The following PRKN variants were observed in gnomAD, a reference collection of about 807,000 sequenced individuals.
The protein encoded by PRKN is E3 ubiquitin-protein ligase parkin.
In PRKN, 56 loss-of-function variants were observed where a neutral mutation model predicts 59.5. That is an observed-to-expected ratio of 0.94 (90% confidence interval 0.76 to 1.18). PRKN has a LOEUF of 1.18. Among genes scored for constraint, PRKN ranks in the 50% most tolerant of loss-of-function variants. The pLI, the probability that PRKN is intolerant of heterozygous loss-of-function variation, is 0.00. For missense variants in PRKN, 657 were observed against 596.4 expected, an observed-to-expected ratio of 1.10 and a Z score of -1.06; for synonymous variants, 250 against 222.1, an observed-to-expected ratio of 1.13 and a Z score of -1.12.
In PRKN at chr6:161,918,236, C is replaced by T. The variant is rs369843995; in HGVS notation, c.734+55066G>A. ...CATATTTACCATGGAAACAACAGTA[C>T]CACGCAGAACATCGTCATTGCTTCA... On this transcript the variant is annotated intron_variant, in intron 6 of 11. Coordinates refer to ENST00000366898, the MANE Select transcript of PRKN (RefSeq NM_004562.3). 1.1e-3 allele frequency among the ~76,000 whole-genome samples: 173 copies of T among 152,260 alleles called. 1 individual carries two copies. The highest frequency in any genetic ancestry group is 3.9e-3 in the African/African-American group (164 of 41,552).
At chr6:161,788,787 G>T (rs983296086) in intron 6 of PRKN, among the ~76,000 whole-genome samples, 4 of 152,172 alleles carry the variant, frequency 2.6e-5, no homozygotes, top group African/African-American at 7.2e-5. Flanking sequence ...GGAAAAGAAA[G>T]AAATTTACAA....
chr6:161,348,103 A>G lies in PRKN; in HGVS notation c.*1996T>C, dbSNP rs1031281346. On this transcript the variant is annotated 3_prime_UTR_variant, in exon 12 of 12. Transcript: ENST00000366898. The surrounding 1 kb of genome is among the most constrained non-coding windows in gnomAD (Gnocchi z 4.9). ...CGCAGCATGCAGATTGGGAAGGCGC[A>G]ATAATGCAAACACCATCAGGAAGAA... The G allele has an allele frequency of 1.0e-5, 2 of 190,550 alleles. No homozygotes were observed. The highest frequency in any genetic ancestry group is 2.2e-5 in the Non-Finnish European group (2 of 90,918). 11.8% of individuals were successfully genotyped at this position (190,550 alleles called of 1,614,324 possible).
chr6:162,334,724 G>GT (rs1453995023), intron 2 of PRKN, among the ~76,000 whole-genome samples: 11 of 152,192 alleles, frequency 7.2e-5, no homozygotes, highest in African/African-American at 2.4e-4. Context: ...CAGATATTGA[G>GT]TCTTCTTATG....
At chr6:162,676,720 T>C (rs1779561021) in intron 1 of PRKN, among the ~76,000 whole-genome samples, 1 of 152,176 alleles carries the variant, frequency 6.6e-6, no homozygotes, top group Admixed American at 6.5e-5. Flanking sequence ...GATATGTTTT[T>C]ATTTTTCTCT....
At chr6:162,484,605 G>A (rs1447746720) in intron 1 of PRKN, among the ~76,000 whole-genome samples, 2 of 152,334 alleles carry the variant, frequency 1.3e-5, no homozygotes, top group East Asian at 1.9e-4. Flanking sequence ...AGAGATGTTT[G>A]TTAGCCTTCC....
intron 9 of PRKN, among the ~76,000 whole-genome samples, chr6:161,496,756 T>C (rs1168215644): frequency 6.6e-6 from 1 of 152,168 alleles, no homozygotes; most frequent in Non-Finnish European, 1.5e-5. Context: ...AACTGAAACA[T>C]GGCTGGCATC....
At chr6:162,380,977 T>A (rs1562717314) in intron 2 of PRKN, among the ~76,000 whole-genome samples, 1 of 152,084 alleles carries the variant, frequency 6.6e-6, no homozygotes, top group Admixed American at 6.6e-5. Flanking sequence ...GTGGTCCAGA[T>A]AAGGAAAACC....
rs34838356 is a variant in PRKN at position 162,414,726 on chromosome 6, A to AAAAAAAGT, written c.171+28583_171+28584insACTTTTTT. Among the ~76,000 whole-genome samples, 21 of 91,870 alleles carry AAAAAAAGT rather than the reference A, an allele frequency of 2.3e-4. 3 individuals carry two copies. The highest frequency in any genetic ancestry group is 3.8e-4 in the Non-Finnish European group (18 of 47,948). The allele number at this position is 91,870 out of a possible 152,430, so 60.3% of individuals were successfully genotyped here. A position where few individuals can be genotyped will look rare whatever the true frequency, so the allele number is the denominator to read the frequency against. ...ACTCCGTCTCAAAAAAAAAAAAAAAAAGTGAATCTTTGAAGTTTTAAAATA... is the reference window on the plus strand; with the variant it reads ...ACTCCGTCTCAAAAAAAAAAAAAAAAAAAAAAGTAGTGAATCTTTGAAGTTTTAAAATA... On this transcript the variant is annotated intron_variant, in intron 2 of 11. Coordinates refer to ENST00000366898, the MANE Select transcript of PRKN (RefSeq NM_004562.3).
At position 162,706,291 on chromosome 6, in the gene PRKN, G is replaced by A. The variant is rs902028806; in HGVS notation, c.7+21371C>T. On this transcript the variant is annotated intron_variant, in intron 1 of 11. Coordinates refer to ENST00000366898, the MANE Select transcript of PRKN (RefSeq NM_004562.3). ...TGCTCGTCTTGCTTAGGGCCAACAG[G>A]CGCACTGCATGGAACTCAGCCAGCT... 4.5e-4 allele frequency among the ~76,000 whole-genome samples: 69 copies of A among 152,268 alleles called. 1 individual carries two copies. The highest frequency in any genetic ancestry group is 4.3e-3 in the Admixed American group (65 of 15,286).
At chr6:162,283,712 G>C (rs999710023) in intron 2 of PRKN, among the ~76,000 whole-genome samples, 7 of 152,090 alleles carry the variant, frequency 4.6e-5, no homozygotes. Flanking sequence ...GTAGAGACAG[G>C]GTTTCGCCAT....
At chr6:162,476,385 G>A (rs1792019267) in intron 1 of PRKN, among the ~76,000 whole-genome samples, 1 of 152,030 alleles carries the variant, frequency 6.6e-6, no homozygotes, top group Non-Finnish European at 1.5e-5. Context: ...TCTTTTTGAG[G>A]GTAGGGTTCA....
chr6:162,550,448 T>C (rs2128203389), intron 1 of PRKN, among the ~76,000 whole-genome samples: 1 of 152,184 alleles, frequency 6.6e-6, no homozygotes, highest in Non-Finnish European at 1.5e-5. Flanking sequence ...CTTCTCAGAG[T>C]TGTCCCGTTT....
At chr6:162,579,986 G>A (rs1284981654) in intron 1 of PRKN, among the ~76,000 whole-genome samples, 1 of 152,146 alleles carries the variant, frequency 6.6e-6, no homozygotes, top group Non-Finnish European at 1.5e-5. Flanking sequence ...GACCTATCAT[G>A]AACGTTATCA....
intron 2 of PRKN, among the ~76,000 whole-genome samples, chr6:162,398,759 T>G (rs1290279381): frequency 6.6e-6 from 1 of 152,206 alleles, no homozygotes; most frequent in Admixed American, 6.5e-5. Context: ...AAATCTCCTT[T>G]TCTCTACAGT....
chr6:162,136,917 C>T (rs1301938021), intron 4 of PRKN, among the ~76,000 whole-genome samples: 2 of 151,830 alleles, frequency 1.3e-5, no homozygotes, highest in South Asian at 2.1e-4. Context: ...TATTTATCCA[C>T]ATTTATTAAA....
At chr6:162,427,702 G>A (rs947164354) in intron 2 of PRKN, among the ~76,000 whole-genome samples, 1 of 149,620 alleles carries the variant, frequency 6.7e-6, no homozygotes, top group African/African-American at 2.5e-5. Flanking sequence ...CTGGACTGCA[G>A]TGGCGCAATC....
chr6:161,517,704 C>T (rs1336376351), intron 9 of PRKN, among the ~76,000 whole-genome samples: 47 of 135,566 alleles, frequency 3.5e-4, no homozygotes, highest in Non-Finnish European at 1.1e-4. Flanking sequence ...CGCGTCACTG[C>T]ACTCCAGCCT....
chr6:161,769,360 A>C (rs927587235), intron 7 of PRKN, among the ~76,000 whole-genome samples: 3 of 152,118 alleles, frequency 2.0e-5, no homozygotes, highest in Non-Finnish European at 2.9e-5. Context: ...TTTTAAAACG[A>C]GGAAATCAGC....
At chr6:162,380,716 C>G (rs1004577429) in intron 2 of PRKN, among the ~76,000 whole-genome samples, 1 of 151,460 alleles carries the variant, frequency 6.6e-6, no homozygotes, top group African/African-American at 2.4e-5. Context: ...CTTCAATGCT[C>G]TCTACTGTTT....
Sources: gnomAD v4.1 joint callset for allele counts (sites outside exome capture counted in the v4.1 genomes callset) on GRCh38, gnomAD v4.1.1 for gene constraint, Gnocchi (gnomAD v3.1) non-coding constraint, MANE v1.5 for transcripts, NCBI Gene and HGNC (gene_info 2026-07-23, HGNC 2026-07-21) for gene names.